Variants in EXTL3 observed in about 807,000 individuals in gnomAD.
The protein encoded by EXTL3 is exostosin like glycosyltransferase 3.
EXTL3 carries 27 observed loss-of-function variants against 69.3 expected under a neutral mutation model. The observed-to-expected ratio is 0.39, with a 90% CI of 0.29 to 0.54. EXTL3 has a LOEUF of 0.54. Ranked by LOEUF, EXTL3 falls within the 20% of genes least tolerant of loss-of-function variation. EXTL3 has a pLI of 0.69. For missense variants in EXTL3, 1,003 were observed against 1,231.8 expected (o/e 0.81, Z 2.78); for synonymous variants, 511 against 499.4 (o/e 1.02, Z -0.31).
chr8:28,663,880 T>C (rs534274482), intron 1 of EXTL3, among the ~76,000 whole-genome samples: 25 of 152,354 alleles, frequency 1.6e-4, no homozygotes, highest in South Asian at 8.3e-4. Flanking sequence ...GGGGCAGGGC[T>C]GAGGAGGCTG....
intron 1 of EXTL3, among the ~76,000 whole-genome samples, chr8:28,627,458 C>G (rs1289371782): frequency 6.8e-6 from 1 of 148,076 alleles, no homozygotes; most frequent in Non-Finnish European, 1.5e-5. Flanking sequence ...GATTGCATCA[C>G]TGTATTCCAG....
chr8:28,673,417 G>A (rs1445865345), intron 1 of EXTL3, among the ~76,000 whole-genome samples: 4 of 152,198 alleles, frequency 2.6e-5, no homozygotes, highest in African/African-American at 9.7e-5. Flanking sequence ...AGGGCCTGAA[G>A]AGAACAAAAG....
At chr8:28,629,424 A>G (rs563303384) in intron 1 of EXTL3, among the ~76,000 whole-genome samples, 2 of 152,128 alleles carry the variant, frequency 1.3e-5, no homozygotes, top group South Asian at 2.1e-4. Context: ...TCATTCATTC[A>G]TTCATTATCA....
At chr8:28,682,143 G>GTATTTATGTTTTA (rs1175321508) in intron 1 of EXTL3, among the ~76,000 whole-genome samples, 51 of 152,294 alleles carry the variant, frequency 3.3e-4, no homozygotes, top group African/African-American at 9.6e-4. Flanking sequence ...ATTCTAACAG[G>GTATTTATGTTTTA]TGTGAGATGA....
chr8:28,715,653 C>A lies in EXTL3; in HGVS notation c.-407C>A. On this transcript the variant is annotated 5_prime_UTR_variant, in exon 3 of 7. It adds an upstream start codon to the 5' untranslated region. Transcript: ENST00000220562. Reference sequence around the variant, plus strand: ...TCTGTTCTAACCTATTACTGTATAACTGTGAATAGACACTATGCATATTTG... The same window carrying A: ...TCTGTTCTAACCTATTACTGTATAAATGTGAATAGACACTATGCATATTTG... The A allele has an allele frequency of 4.5e-6, 1 of 221,864 alleles. No homozygotes were observed. Among genetic ancestry groups the A allele is most frequent in the Non-Finnish European group, 9.1e-6 (1 of 110,184 alleles). The allele number at this position is 221,864 out of a possible 1,614,324, so 13.7% of individuals were successfully genotyped here. A position where few individuals can be genotyped will look rare whatever the true frequency, so the allele number is the denominator to read the frequency against.
intron 2 of EXTL3, among the ~76,000 whole-genome samples, chr8:28,616,389 G>C (rs992150609): frequency 6.6e-6 from 1 of 152,138 alleles, no homozygotes; most frequent in Non-Finnish European, 1.5e-5. Flanking sequence ...ACTTTGGGAG[G>C]CTGAGGCGGG....
chr8:28,637,850 T>C (rs1289879220), intron 1 of EXTL3, among the ~76,000 whole-genome samples: 1 of 152,104 alleles, frequency 6.6e-6, no homozygotes, highest in Non-Finnish European at 1.5e-5. Flanking sequence ...AGGGACCTCC[T>C]TCCTCCTCGG....
At chr8:28,755,847 A>G (rs1332878939), downstream of EXTL3, among the ~76,000 whole-genome samples, 1 of 152,216 alleles carries the variant, frequency 6.6e-6, no homozygotes, top group Non-Finnish European at 1.5e-5. Context: ...CTGGTCCCAC[A>G]TTTCAAACAT....
Position 28,713,438 on chromosome 8 carries a change from G to GTT in EXTL3, c.-569-9_-569-8dup. 49 of 517,800 alleles carry GTT rather than the reference G, an allele frequency of 9.5e-5. No homozygotes were observed. The highest frequency in any genetic ancestry group is 2.1e-4 in the Admixed American group (7 of 33,300). 32.1% of individuals were successfully genotyped at this position (517,800 alleles called of 1,614,324 possible). On this transcript the variant is annotated intron_variant, in intron 1 of 6. Coordinates refer to ENST00000220562, the MANE Select transcript of EXTL3 (RefSeq NM_001440.4). ...TGTCACTGTTCTATTTTTGTTTTTT[G>GTT]TTTTTTTTTTTAAATCAGGAGAGCA... is the stretch of plus-strand genomic sequence containing the variant.
At chr8:28,640,665 C>T (rs1466921428) in intron 1 of EXTL3, among the ~76,000 whole-genome samples, 1 of 152,070 alleles carries the variant, frequency 6.6e-6, no homozygotes, top group Non-Finnish European at 1.5e-5. Flanking sequence ...TGGAGTGGTG[C>T]GATCATAGCT....
rs568425027 is a variant in EXTL3, at chr8:28,680,251, C to T, written c.-52-33206C>T. Among the ~76,000 whole-genome samples, 6 of 152,086 alleles carry T rather than the reference C, an allele frequency of 3.9e-5. No homozygotes were observed. The South Asian group carries it at 1.2e-3, about 32-fold the overall frequency. On this transcript the variant is annotated intron_variant, in intron 1 of 6. Transcript: ENST00000523149. ...TACAAAAATACAAAAATTAGCTGGG[C>T]ATGATGGCAGGTGCCTGTAATCCCA...
chr8:28,667,577 A>G (rs1807216415), intron 1 of EXTL3, among the ~76,000 whole-genome samples: 1 of 152,184 alleles, frequency 6.6e-6, no homozygotes, highest in Non-Finnish European at 1.5e-5. Flanking sequence ...ACTCAGCTGT[A>G]ATGCTTTGGC....
intron 1 of EXTL3, among the ~76,000 whole-genome samples, chr8:28,690,203 TTCTC>T (rs1272405352): frequency 6.6e-6 from 1 of 152,160 alleles, no homozygotes; most frequent in Non-Finnish European, 1.5e-5. Flanking sequence ...TTAATTTTTC[TTCTC>T]TCTTTCTTTC....
At chr8:28,674,859 T>C (rs559161476) in intron 1 of EXTL3, among the ~76,000 whole-genome samples, 1 of 152,058 alleles carries the variant, frequency 6.6e-6, no homozygotes, top group Non-Finnish European at 1.5e-5. Flanking sequence ...TCTTTCCACC[T>C]CTGAGAGGAT....
At chr8:28,659,833 G>A (rs1195314256) in intron 1 of EXTL3, among the ~76,000 whole-genome samples, 1 of 152,168 alleles carries the variant, frequency 6.6e-6, no homozygotes, top group Non-Finnish European at 1.5e-5. Flanking sequence ...AATGTCCTCA[G>A]TGTTTCTTTG....
intron 5 of EXTL3, chr8:28,740,122 A>C (rs901627686): frequency 6.6e-6 from 1 of 152,214 alleles, no homozygotes; most frequent in African/African-American, 2.4e-5. Flanking sequence ...ACTTCTAAAA[A>C]TCACAAGATT....
At chr8:28,749,809 C>T (rs903927758) in intron 6 of EXTL3, among the ~76,000 whole-genome samples, 2 of 152,168 alleles carry the variant, frequency 1.3e-5, no homozygotes, top group African/African-American at 4.8e-5. Context: ...TCTCAGCCTC[C>T]CAAGTAGCTG....
intron 1 of EXTL3, among the ~76,000 whole-genome samples, chr8:28,644,062 C>T (rs1806789343): frequency 6.6e-6 from 1 of 152,054 alleles, no homozygotes; most frequent in African/African-American, 2.4e-5. Context: ...TTGTGCCCAG[C>T]CTAAGCAATA....
chr8:28,718,169 G>A lies in EXTL3; in HGVS notation c.2110G>A (p.Glu704Lys), dbSNP rs772123718. 1 of 1,614,216 alleles carries A rather than the reference G, an allele frequency of 6.2e-7. No homozygotes were observed. The highest frequency in any genetic ancestry group is 8.5e-7 in the Non-Finnish European group (1 of 1,180,030). The change falls in exon 3 of 7, where the codon GAG (glutamate) becomes AAG (lysine). Residue 704 changes from glutamate (E) to lysine (K), a missense_variant. Coordinates refer to ENST00000220562, the MANE Select transcript of EXTL3 (RefSeq NM_001440.4). ...GTGGAATTCTCCCAAGCTGCCATCA[G>A]AGGACCTTCTGTGGCCTGACATTGG... ...VVWNSPKLPS[E>K]DLLWPDIGVP...
Sources: allele counts gnomAD v4.1 joint callset (sites outside exome capture counted in the v4.1 genomes callset), GRCh38; gene constraint gnomAD v4.1.1; transcripts MANE v1.5; gene names NCBI Gene and HGNC (gene_info 2026-07-23, HGNC 2026-07-21).